CUL5: variants seen among roughly 807,000 people sequenced by gnomAD.
CUL5 encodes cullin-5.
Under a neutral mutation model 108.8 loss-of-function variants are expected in CUL5, and 26 were observed. That is an observed-to-expected ratio of 0.24 (90% CI 0.18 to 0.33). The LOEUF (loss-of-function observed/expected upper bound fraction) is 0.33. Among genes scored for constraint, CUL5 ranks in the 10% least tolerant of loss-of-function variants. The pLI is 1.00. For missense variants in CUL5, 524 were observed against 909.2 expected (o/e 0.58, Z 5.45); for synonymous variants, 334 against 298.0 (o/e 1.12, Z -1.25).
chr11:108,097,557 T>G, intron 16 of CUL5, 79 bp from the exon 17 acceptor site: 1 of 777,600 alleles, frequency 1.3e-6, no homozygotes, highest in Admixed American at 2.2e-5. Flanking sequence ...TTCTTGCCTA[T>G]GTTGATTATG....
At chr11:108,081,152 G>A (rs1864072649) in intron 11 of CUL5, among the ~76,000 whole-genome samples, 1 of 152,124 alleles carries the variant, frequency 6.6e-6, no homozygotes, top group East Asian at 1.9e-4. Flanking sequence ...GCCAGGCGTG[G>A]TGGCTCATGC....
intron 2 of CUL5, among the ~76,000 whole-genome samples, chr11:108,039,234 G>A (rs1862826151): frequency 6.6e-6 from 1 of 152,034 alleles, no homozygotes. Flanking sequence ...TGATCAGACT[G>A]GTCTTGAACT....
At chr11:108,055,639 T>C (rs78500928) in intron 7 of CUL5, among the ~76,000 whole-genome samples, 1 of 146,174 alleles carries the variant, frequency 6.8e-6, no homozygotes, top group Admixed American at 6.9e-5. Flanking sequence ...ATACTTTATC[T>C]TTTTTTTTTG....
chr11:108,041,312 C>G (rs1199390973), intron 2 of CUL5, among the ~76,000 whole-genome samples: 3 of 149,066 alleles, frequency 2.0e-5, no homozygotes, highest in Non-Finnish European at 3.0e-5. Flanking sequence ...GACGGAGTCT[C>G]TGTTGCCCAG....
intron 2 of CUL5, among the ~76,000 whole-genome samples, chr11:108,040,315 C>CA (rs1366685262): frequency 3.3e-5 from 5 of 151,726 alleles, no homozygotes; most frequent in Non-Finnish European, 7.4e-5. Flanking sequence ...TCCATTTCTA[C>CA]AAAAAATTAG....
chr11:108,088,697 C>T (rs774990011), intron 12 of CUL5, 38 bp downstream of exon 12: 15 of 1,507,622 alleles, frequency 9.9e-6, no homozygotes, highest in South Asian at 1.3e-5. Flanking sequence ...TTAAAATTAC[C>T]TTACTTTGAA....
At chr11:108,073,590 T>TAAA (rs1863877833) in intron 10 of CUL5, 93 bp downstream of exon 10, 5 of 536,338 alleles carry the variant, frequency 9.3e-6, no homozygotes, top group Non-Finnish European at 1.5e-5. Flanking sequence ...TTCTATTAAT[T>TAAA]ATAAACTTAA....
chr11:108,097,442 CT>C (rs1267187390), intron 16 of CUL5, among the ~76,000 whole-genome samples, 193 bp from the exon 17 acceptor site: 1 of 152,160 alleles, frequency 6.6e-6, no homozygotes, highest in Non-Finnish European at 1.5e-5. Context: ...GCATTTATTG[CT>C]TTCTCATAAC....
Position 108,069,420 on chromosome 11 carries a change from C to T in CUL5, c.781-676C>T, listed in dbSNP as rs188758577. ...GTTTCTTCTCTACCATTTTAAGCTT[C>T]CTGGTATTCCTAGAATACGTAACCT... On this transcript the variant is annotated intron_variant, in intron 7 of 18. Coordinates refer to ENST00000393094, the MANE Select transcript of CUL5 (RefSeq NM_003478.6). Among the ~76,000 whole-genome samples the T allele has an allele frequency of 4.2e-3, 644 of 152,266 alleles. 3 individuals carry two copies. In the Middle Eastern group the frequency reaches 0.051, roughly 12 times the overall value.
chr11:108,084,432 AG>A (rs1475248038), intron 11 of CUL5, among the ~76,000 whole-genome samples: 1 of 152,224 alleles, frequency 6.6e-6, no homozygotes, highest in Non-Finnish European at 1.5e-5. Flanking sequence ...GTGGTCACAC[AG>A]GACTGGAGTA....
At chr11:108,036,586 C>T (rs925142256) in intron 2 of CUL5, among the ~76,000 whole-genome samples, 2 of 152,152 alleles carry the variant, frequency 1.3e-5, no homozygotes, top group African/African-American at 2.4e-5. Flanking sequence ...TCAAGTGATA[C>T]TCCTGCCTTG....
At position 108,097,689 on chromosome 11, in the gene CUL5, A is replaced by T; in HGVS notation, c.1959A>T (p.Gln653His). Residue 653 changes from glutamine to histidine, a missense_variant, in exon 17 of 19, where the codon CAA (glutamine) becomes CAT (histidine). Gln to His is a conservative substitution (Grantham distance 24, BLOSUM62 0). This residue lies in a region of CUL5 where 66 missense variants were observed against 81.4 expected (regional missense o/e 0.81). Transcript: ENST00000393094. ...GGCAAGTTTTGTTGTATGAACCTCA[A>T]GTCAACTCACCCAAAGACTTTACAG... ...LKRQVLLYEP[Q>H]VNSPKDFTEG... The T allele has an allele frequency of 6.2e-7, 1 of 1,613,874 alleles. No individual in the cohort carries two copies. Among genetic ancestry groups the T allele is most frequent in the Non-Finnish European group, 8.5e-7 (1 of 1,179,848 alleles).
In CUL5 at chr11:108,098,546, G is replaced by A. The variant is rs1864555527; in HGVS notation, c.2148+17G>A. On this transcript the variant is annotated intron_variant, in intron 18 of 18. Transcript: ENST00000393094. ...AGAACCCAGGTTTGTAATGTTGACA[G>A]AATGTCTGAAGTTTAAAAAAACTTT... is the stretch of plus-strand genomic sequence containing the variant. 1 of 1,450,426 alleles carries A rather than the reference G, an allele frequency of 6.9e-7. No homozygotes were observed. Among genetic ancestry groups the A allele is most frequent in the Non-Finnish European group, 9.1e-7 (1 of 1,095,142 alleles). 89.8% of individuals were successfully genotyped at this position (1,450,426 alleles called of 1,614,324 possible). A position where few individuals can be genotyped will look rare whatever the true frequency, so the allele number is the denominator to read the frequency against.
At chr11:108,068,148 C>T (rs1863734853) in intron 7 of CUL5, among the ~76,000 whole-genome samples, 1 of 152,044 alleles carries the variant, frequency 6.6e-6, no homozygotes, top group South Asian at 2.1e-4. Flanking sequence ...GAACTCCTGA[C>T]CTCAGGTGAT....
intron 3 of CUL5, among the ~76,000 whole-genome samples, chr11:108,048,953 C>G (rs966158253): frequency 6.6e-6 from 1 of 151,752 alleles, no homozygotes; most frequent in Non-Finnish European, 1.5e-5. Context: ...GCATGAGCCA[C>G]CGCACCTGCC....
At chr11:108,062,296 T>G (rs936448413) in intron 7 of CUL5, among the ~76,000 whole-genome samples, 2 of 152,084 alleles carry the variant, frequency 1.3e-5, no homozygotes, top group Non-Finnish European at 2.9e-5. Context: ...TCCTGGAAAT[T>G]AGATAGCTGA....
Position 108,016,839 on chromosome 11 carries a change from A to G in CUL5, c.24+7467A>G, listed in dbSNP as rs570746183. On this transcript the variant is annotated intron_variant, in intron 1 of 18. Transcript: ENST00000393094. Reference sequence around the variant, plus strand: ...AAAGCAGGATACAGCTCAGGTTAAAACTTTGGTCAGAGGCTGGATGCAGTG... The same window carrying G: ...AAAGCAGGATACAGCTCAGGTTAAAGCTTTGGTCAGAGGCTGGATGCAGTG... 3.3e-5 allele frequency among the ~76,000 whole-genome samples: 5 copies of G among 152,218 alleles called. No homozygotes were observed. The South Asian group carries it at 1.0e-3, about 32-fold the overall frequency.
At chr11:108,062,272 C>T (rs891613816) in intron 7 of CUL5, among the ~76,000 whole-genome samples, 8 of 152,026 alleles carry the variant, frequency 5.3e-5, no homozygotes, top group Admixed American at 2.0e-4. Context: ...TTGGCTTCCT[C>T]TTGGAATAGA....
Position 108,094,462 on chromosome 11 carries a change from T to C in CUL5, c.1515T>C (p.Asp505=), listed in dbSNP as rs769158218. Residue 505 remains aspartate, a synonymous_variant, in exon 14 of 19, where the codon GAT becomes GAC. Coordinates refer to ENST00000393094, the MANE Select transcript of CUL5 (RefSeq NM_003478.6). ...RMFQDIKVSE[D]LNQAFKEMHK... is the part of the protein sequence containing the mutation. Reference sequence around the variant, plus strand: ...TTCAGGACATAAAAGTATCTGAAGATTTGAACCAAGCTTTTAAGGAAATGC... The same window carrying C: ...TTCAGGACATAAAAGTATCTGAAGACTTGAACCAAGCTTTTAAGGAAATGC... The C allele has an allele frequency of 1.3e-6, 2 of 1,557,718 alleles. No homozygotes were observed. Among genetic ancestry groups the C allele is most frequent in the South Asian group, 2.4e-5 (2 of 83,314 alleles).
Sources: allele counts gnomAD v4.1 joint callset (sites outside exome capture counted in the v4.1 genomes callset), GRCh38; gene constraint gnomAD v4.1.1; regional missense constraint gnomAD v4.1.1; transcripts MANE v1.5; gene names NCBI Gene and HGNC (gene_info 2026-07-23, HGNC 2026-07-21).